The following NFIB variants were observed in gnomAD, a reference collection of about 807,000 sequenced individuals.
NFIB encodes the protein nuclear factor 1 B-type.
A neutral mutation model predicts 61.5 loss-of-function variants in NFIB; 11 were observed. That is an observed-to-expected ratio of 0.18 (90% CI 0.11 to 0.30). NFIB has a LOEUF of 0.30. Among genes scored for constraint, NFIB ranks in the 10% least tolerant of loss-of-function variants. The pLI, the probability that NFIB is intolerant of heterozygous loss-of-function variation, is 1.00. For missense variants in NFIB, 471 were observed against 608.9 expected (o/e 0.77, Z 2.38); for synonymous variants, 260 against 216.5 (o/e 1.20, Z -1.76).
chr9:14,438,240 C>G, the NFIB span, among the ~76,000 whole-genome samples: 1 of 152,148 alleles, frequency 6.6e-6, no homozygotes, highest in Admixed American at 6.5e-5. Context: ...AATAAGATAG[C>G]TGAAAGCAGA....
At chr9:14,370,375 GTA>G in intron 1 of NFIB, among the ~76,000 whole-genome samples, 2 of 152,264 alleles carry the variant, frequency 1.3e-5, no homozygotes, top group Middle Eastern at 6.8e-3. Flanking sequence ...CAACACAAGG[GTA>G]GTTAACTGTT....
At chr9:14,105,176 ACTTTT>A (rs1398516458) in intron 10 of NFIB, among the ~76,000 whole-genome samples, 5 of 152,236 alleles carry the variant, frequency 3.3e-5, no homozygotes, top group African/African-American at 1.2e-4. Flanking sequence ...GTATTTTTGG[ACTTTT>A]CTTTTCTAAA....
intron 1 of NFIB, among the ~76,000 whole-genome samples, chr9:14,384,327 G>A (rs1371969775): frequency 6.6e-6 from 1 of 152,152 alleles, no homozygotes; most frequent in Non-Finnish European, 1.5e-5. Context: ...CAAATATTCA[G>A]GTAGTAAACA....
intron 2 of NFIB, among the ~76,000 whole-genome samples, chr9:14,208,263 C>T (rs1333586911): frequency 4.6e-5 from 7 of 152,094 alleles, no homozygotes; most frequent in Middle Eastern, 3.4e-3. Context: ...GAGAGTAAAT[C>T]GATACGTGTT....
At chr9:14,090,832 T>C (rs2033789338) in intron 10 of NFIB, among the ~76,000 whole-genome samples, 1 of 152,020 alleles carries the variant, frequency 6.6e-6, no homozygotes, top group Non-Finnish European at 1.5e-5. Flanking sequence ...TGATTGAAAA[T>C]AGATGTGGCT....
At chr9:14,279,490 C>G (rs2058225552) in intron 2 of NFIB, among the ~76,000 whole-genome samples, 1 of 152,092 alleles carries the variant, frequency 6.6e-6, no homozygotes, top group Admixed American at 6.5e-5. Flanking sequence ...TCAGACTGCT[C>G]CATAGAGAAG....
chr9:14,258,350 C>G (rs2056428590), intron 2 of NFIB, among the ~76,000 whole-genome samples: 1 of 152,224 alleles, frequency 6.6e-6, no homozygotes, highest in Non-Finnish European at 1.5e-5. Flanking sequence ...TGGGTGAGAA[C>G]AGCATGTTGT....
rs192876087 is a variant in NFIB, at chr9:14,354,241, T to G, written c.108+44283A>C. ...AAGATTTTAGTGTCTCCTTTCCTTT[T>G]AAAAATAAAAAAATAGCTCTTTTGA... On this transcript the variant is annotated intron_variant, in intron 1 of 8. Transcript: ENST00000380934. 2.2e-4 allele frequency among the ~76,000 whole-genome samples: 34 copies of G among 152,244 alleles called. No homozygotes were observed. The East Asian group carries it at 3.9e-3, about 17-fold the overall frequency.
chr9:14,237,778 G>A (rs1340431851), intron 2 of NFIB, among the ~76,000 whole-genome samples: 7 of 84,898 alleles, frequency 8.2e-5, no homozygotes, highest in South Asian at 4.2e-4. Flanking sequence ...GTGTGTGTGT[G>A]TGTGTGTGTG....
At chr9:14,507,604 G>T in the NFIB span, among the ~76,000 whole-genome samples, 27 of 152,140 alleles carry the variant, frequency 1.8e-4, no homozygotes, top group African/African-American at 6.3e-4. Flanking sequence ...TGTTTAAACT[G>T]GTATTCTCCA....
At position 14,344,771 on chromosome 9, in the gene NFIB, A is replaced by G. The variant is rs545853352; in HGVS notation, c.109-37251T>C. On this transcript the variant is annotated intron_variant, in intron 1 of 8. Coordinates refer to the NFIB transcript ENST00000380934. ...GGTAAAGAAAGGAAAGACAAAAAGGAGAAAAAAAATCCGTAACTACAAACA... is the reference window on the plus strand; with the variant it reads ...GGTAAAGAAAGGAAAGACAAAAAGGGGAAAAAAAATCCGTAACTACAAACA... Among the ~76,000 whole-genome samples the G allele has an allele frequency of 4.7e-5, 6 of 128,414 alleles. No individual in the cohort carries two copies. In the East Asian group the frequency reaches 7.8e-4, roughly 17 times the overall value. The allele number at this position is 128,414 out of a possible 152,430, so 84.2% of individuals were successfully genotyped here. A position where few individuals can be genotyped will look rare whatever the true frequency, so the allele number is the denominator to read the frequency against.
At chr9:14,286,088 C>T (rs911398897) in intron 2 of NFIB, among the ~76,000 whole-genome samples, 2 of 152,166 alleles carry the variant, frequency 1.3e-5, no homozygotes, top group South Asian at 4.1e-4. Context: ...CTGACATGTT[C>T]ACTGCAAAAC....
At chr9:14,398,567 G>C in exon 1 of NFIB, 1 of 1,535,296 alleles carries the variant, frequency 6.5e-7, no homozygotes, top group East Asian at 2.4e-5. Context: ...AGGAATCCCA[G>C]GGTTACATTT....
chr9:14,346,133 G>A (rs1180607025), intron 1 of NFIB, among the ~76,000 whole-genome samples: 1 of 152,094 alleles, frequency 6.6e-6, no homozygotes, highest in East Asian at 1.9e-4. Context: ...GCGGGCGCGG[G>A]GGGCGCGTGG....
At chr9:14,363,579 G>C (rs1484830038) in intron 1 of NFIB, among the ~76,000 whole-genome samples, 1 of 150,748 alleles carries the variant, frequency 6.6e-6, no homozygotes, top group African/African-American at 2.5e-5. Context: ...GAAAGCAATG[G>C]CATGTATATG....
chr9:14,145,321 A>G (rs1301836658), intron 6 of NFIB, among the ~76,000 whole-genome samples: 2 of 152,104 alleles, frequency 1.3e-5, no homozygotes, highest in African/African-American at 4.8e-5. Flanking sequence ...CACCCTCTTC[A>G]GCCCCTCACT....
chr9:14,311,910 A>G (rs1201331092), intron 1 of NFIB, among the ~76,000 whole-genome samples: 2 of 152,228 alleles, frequency 1.3e-5, no homozygotes, highest in Non-Finnish European at 2.9e-5. Flanking sequence ...AGAAAAATAT[A>G]TCCAGCCGAT....
chr9:14,212,937 C>T (rs2050465464), intron 2 of NFIB, among the ~76,000 whole-genome samples: 1 of 152,132 alleles, frequency 6.6e-6, no homozygotes, highest in African/African-American at 2.4e-5. Flanking sequence ...GAATAATTAG[C>T]TTAAGTTAAG....
chr9:14,140,112 A>G (rs1343365850), intron 6 of NFIB, among the ~76,000 whole-genome samples: 1 of 152,118 alleles, frequency 6.6e-6, no homozygotes, highest in Non-Finnish European at 1.5e-5. Flanking sequence ...AATATTTGCC[A>G]TTTCATCCCT....
Sources: allele counts gnomAD v4.1 joint callset (sites outside exome capture counted in the v4.1 genomes callset), GRCh38; gene constraint gnomAD v4.1.1; transcripts MANE v1.5; gene names NCBI Gene and HGNC (gene_info 2026-07-23, HGNC 2026-07-21).